HERC5: variants seen among roughly 807,000 people sequenced by gnomAD.
HERC5 encodes E3 ISG15--protein ligase HERC5.
In HERC5, 99 loss-of-function variants were observed where a neutral mutation model predicts 119.6. That is an observed-to-expected ratio of 0.83 (90% CI 0.70 to 0.98). The LOEUF (loss-of-function observed/expected upper bound fraction) is 0.98. Ranked by LOEUF, HERC5 falls within the 50% of genes least tolerant of loss-of-function variation. The pLI, the probability that HERC5 is intolerant of heterozygous loss-of-function variation, is 0.00. For synonymous variants in HERC5, 478 were observed against 445.9 expected, an observed-to-expected ratio of 1.07 and a Z score of -0.91; for missense variants, 1,267 against 1,241.3, an observed-to-expected ratio of 1.02 and a Z score of -0.31.
chr4:88,475,324 CTTTTT>C (rs757780297), intron 11 of HERC5, among the ~76,000 whole-genome samples: 5 of 123,484 alleles, frequency 4.0e-5, no homozygotes, highest in Non-Finnish European at 8.6e-5. Flanking sequence ...TTCTTTCTTT[CTTTTT>C]TTTTTTTTTT....
Position 88,504,561 on chromosome 4 carries a change from C to T in HERC5, c.2833C>T (p.His945Tyr). ...PTIVMFWKAF[H>Y]KLTLEEKKKF... Reference sequence around the variant, plus strand: ...CATAGTGATGTTTTGGAAGGCTTTCCACAAATTGACTCTGGAAGAAAAGAA... The same window carrying T: ...CATAGTGATGTTTTGGAAGGCTTTCTACAAATTGACTCTGGAAGAAAAGAA... The change falls in exon 22 of 23, where the codon CAC becomes TAC. Residue 945 changes from histidine to tyrosine, a missense_variant. His to Tyr is a moderately conservative substitution (Grantham distance 83). This residue lies in a region of HERC5 where 473 missense variants were observed against 445.7 expected (regional missense o/e 1.06). Coordinates refer to ENST00000264350, the MANE Select transcript of HERC5 (RefSeq NM_016323.4). 1.3e-6 allele frequency: 2 copies of T among 1,573,734 alleles called. No individual in the cohort carries two copies. The highest frequency in any genetic ancestry group is 1.7e-6 in the Non-Finnish European group (2 of 1,163,366).
chr4:88,487,183 T>C lies in HERC5; in HGVS notation c.1962+4T>C, dbSNP rs908935819. 1.4e-6 allele frequency: 2 copies of C among 1,433,834 alleles called. No individual in the cohort carries two copies. The highest frequency in any genetic ancestry group is 1.4e-5 in the African/African-American group (1 of 71,208). The allele number at this position is 1,433,834 out of a possible 1,614,324, so 88.8% of individuals were successfully genotyped here. A position where few individuals can be genotyped will look rare whatever the true frequency, so the allele number is the denominator to read the frequency against. On this transcript the variant is annotated splice_donor_region_variant and intron_variant, in intron 15 of 22. Transcript: ENST00000264350. ...AGACACACTTTTAAAAATAGAGGTA[T>C]GTATGCCTATTTGTCTTCATTAGCA...
chr4:88,502,455 C>T (rs890747396), intron 20 of HERC5, among the ~76,000 whole-genome samples: 2 of 152,022 alleles, frequency 1.3e-5, no homozygotes, highest in African/African-American at 4.8e-5. Flanking sequence ...ATGGTGGTTC[C>T]GTGGGGCCAG....
chr4:88,470,794 C>A, intron 10 of HERC5, 121 bp downstream of exon 10: 1 of 458,516 alleles, frequency 2.2e-6, no homozygotes. Flanking sequence ...TTTTTTTTAA[C>A]AAAAGTAAAT....
At chr4:88,458,788 G>A (rs1740291024) in intron 1 of HERC5, among the ~76,000 whole-genome samples, 1 of 152,100 alleles carries the variant, frequency 6.6e-6, no homozygotes, top group Admixed American at 6.5e-5. Flanking sequence ...TTCAGAAAGG[G>A]CCAAATGTGC....
chr4:88,462,275 A>G lies in HERC5; in HGVS notation c.607A>G (p.Ser203Gly), dbSNP rs760846705. ...LAQISAGEAHSMALSMSGNIY... is the reference protein window; with the variant it reads ...LAQISAGEAHGMALSMSGNIY... ...TCAGATTTCTGCCGGAGAAGCCCACAGCATGGCCTTATCCATGTCTGGCAA... is the reference window on the plus strand; with the variant it reads ...TCAGATTTCTGCCGGAGAAGCCCACGGCATGGCCTTATCCATGTCTGGCAA... The change falls in exon 4 of 23, where the codon AGC (serine) becomes GGC (glycine). Residue 203 changes from serine (S) to glycine (G), a missense_variant. This residue lies in a region of HERC5 where 777 missense variants were observed against 758.0 expected (regional missense o/e 1.03). Coordinates refer to ENST00000264350, the MANE Select transcript of HERC5 (RefSeq NM_016323.4). The G allele has an allele frequency of 1.2e-5, 19 of 1,614,120 alleles. No individual in the cohort carries two copies. Among genetic ancestry groups the G allele is most frequent in the Non-Finnish European group, 1.6e-5 (19 of 1,180,044 alleles).
At chr4:88,494,477 G>A in intron 18 of HERC5, 146 bp downstream of exon 18, 1 of 700,062 alleles carries the variant, frequency 1.4e-6, no homozygotes, top group East Asian at 2.9e-5. Flanking sequence ...AGAATTGTTG[G>A]ATGATAATTT....
At chr4:88,480,690 T>G (rs773398871) in intron 13 of HERC5, among the ~76,000 whole-genome samples, 1 of 152,252 alleles carries the variant, frequency 6.6e-6, no homozygotes, top group Admixed American at 6.5e-5. Context: ...TGTCTGACTT[T>G]AACATTTTGA....
At chr4:88,460,931 A>T (rs1261727744) in intron 3 of HERC5, among the ~76,000 whole-genome samples, 2 of 152,210 alleles carry the variant, frequency 1.3e-5, no homozygotes, top group Non-Finnish European at 2.9e-5. Flanking sequence ...TTGAGGCTGC[A>T]GTGAGCCATG....
intron 9 of HERC5, among the ~76,000 whole-genome samples, chr4:88,470,379 T>G (rs1740826873): frequency 6.6e-6 from 1 of 152,174 alleles, no homozygotes. Flanking sequence ...CTTCTCTGAG[T>G]ATGTATAAAC....
intron 16 of HERC5, 31 bp downstream of exon 16, chr4:88,489,367 C>A (rs760076500): frequency 1.9e-6 from 3 of 1,551,496 alleles, no homozygotes; most frequent in Non-Finnish European, 2.6e-6. Context: ...AATGTTTTTG[C>A]TGCTGAGAAA....
intron 10 of HERC5, among the ~76,000 whole-genome samples, chr4:88,471,530 G>A (rs1447323957): frequency 1.3e-5 from 2 of 150,164 alleles, no homozygotes. Flanking sequence ...TGTAAAGACA[G>A]CAGCTTTGCT....
At chr4:88,500,032 C>A in intron 19 of HERC5, 40 bp downstream of exon 19, 3 of 1,206,448 alleles carry the variant, frequency 2.5e-6, no homozygotes, top group Non-Finnish European at 3.6e-6. Flanking sequence ...TAGTTTTAAT[C>A]TGATTAACCC....
Position 88,505,978 on chromosome 4 carries a change from A to T in HERC5, c.*100A>T, listed in dbSNP as rs548554278. The T allele has an allele frequency of 2.6e-4, 230 of 885,792 alleles. No individual in the cohort carries two copies. In the African/African-American group the frequency reaches 3.5e-3, roughly 13 times the overall value. 54.9% of individuals were successfully genotyped at this position (885,792 alleles called of 1,614,324 possible). A position where few individuals can be genotyped will look rare whatever the true frequency, so the allele number is the denominator to read the frequency against. The stretch of plus-strand genomic sequence containing the variant: ...CTTTGTTTTGTTTTAGGCTTTTAGC[A>T]GCCTGAAGCCATGGTTTTTCATTTC... On this transcript the variant is annotated 3_prime_UTR_variant, in exon 23 of 23. Transcript: ENST00000264350.
chr4:88,460,039 T>C, intron 2 of HERC5, 56 bp from the exon 3 acceptor site: 1 of 973,612 alleles, frequency 1.0e-6, no homozygotes, highest in African/African-American at 1.6e-5. Flanking sequence ...AGTTCTAAAA[T>C]CCATGTTGTA....
In HERC5 at chr4:88,479,499, C is replaced by G; in HGVS notation, c.1729C>G (p.Leu577Val). 6.3e-7 allele frequency: 1 copy of G among 1,598,612 alleles called. No individual in the cohort carries two copies. Among genetic ancestry groups the G allele is most frequent in the Non-Finnish European group, 8.5e-7 (1 of 1,175,102 alleles). The change falls in exon 13 of 23, where the codon CTG becomes GTG. Residue 577 changes from leucine (L) to valine (V), a missense_variant. Physicochemically the swap from Leu to Val is conservative, Grantham distance 32. Transcript: ENST00000264350. ...AGCTCTCCTAGAAATGTTGAAGAAGCTGCACAGGGTAAGAGTTCCTTTAGA... is the reference window on the plus strand; with the variant it reads ...AGCTCTCCTAGAAATGTTGAAGAAGGTGCACAGGGTAAGAGTTCCTTTAGA... ...VQALLEMLKK[L>V]HRVNQVKCQL...
Position 88,494,350 on chromosome 4 carries a change from TGAGAAAGGACCCTTTCTAACATATA to T in HERC5, c.2444+20_2444+44del. 1 of 1,602,638 alleles carries T rather than the reference TGAGAAAGGACCCTTTCTAACATATA, an allele frequency of 6.2e-7. No individual in the cohort carries two copies. Among genetic ancestry groups the T allele is most frequent in the Non-Finnish European group, 8.5e-7 (1 of 1,172,362 alleles). On this transcript the variant is annotated intron_variant, in intron 18 of 22. Coordinates refer to ENST00000264350, the MANE Select transcript of HERC5 (RefSeq NM_016323.4). ...TGGGAAAGTAAGTAAACAGAGTTCC[TGAGAAAGGACCCTTTCTAACATATA>T]TTTAGGCAAATATTTAAGTACACAC...
At chr4:88,467,897 C>G in intron 7 of HERC5, 3 of 984,382 alleles carry the variant, frequency 3.0e-6, no homozygotes, top group Non-Finnish European at 3.6e-6. Flanking sequence ...CTACTCATTT[C>G]TTGTAGGAAA....
At chr4:88,493,893 C>T (rs568551845) in intron 17 of HERC5, among the ~76,000 whole-genome samples, 3 of 151,352 alleles carry the variant, frequency 2.0e-5, no homozygotes, top group East Asian at 3.9e-4. Flanking sequence ...GGATTACAAG[C>T]GTGAGAGTGG....
Sources: gnomAD v4.1 joint callset for allele counts (sites outside exome capture counted in the v4.1 genomes callset) on GRCh38, gnomAD v4.1.1 for gene constraint, gnomAD v4.1.1 regional missense constraint, MANE v1.5 for transcripts, NCBI Gene and HGNC (gene_info 2026-07-23, HGNC 2026-07-21) for gene names.